PTPRK: variants seen among roughly 807,000 people sequenced by gnomAD.
The protein encoded by PTPRK is protein tyrosine phosphatase receptor type K, also known as receptor-type tyrosine-protein phosphatase kappa.
PTPRK carries 75 observed loss-of-function variants against 178.0 expected under a neutral mutation model. The ratio of observed to expected loss-of-function variants is 0.42; its 90% CI spans 0.35 to 0.51. The LOEUF is 0.51. Among genes scored for constraint, PTPRK ranks in the 20% least tolerant of loss-of-function variants. The pLI is 0.02. For synonymous variants in PTPRK, 637 were observed against 620.6 expected (o/e 1.03, Z -0.39); for missense variants, 1,441 against 1,797.8 (o/e 0.80, Z 3.59).
intron 1 of PTPRK, among the ~76,000 whole-genome samples, chr6:128,424,518 T>G (rs1019939239): frequency 6.6e-6 from 1 of 152,216 alleles, no homozygotes; most frequent in African/African-American, 2.4e-5. Flanking sequence ...TCTCCTTTAC[T>G]GACAGGTCAA....
At position 128,016,005 on chromosome 6, in the gene PTPRK, A is replaced by G. The variant is rs571304181; in HGVS notation, c.2195-6737T>C. Among the ~76,000 whole-genome samples, 5 of 151,882 alleles carry G rather than the reference A, an allele frequency of 3.3e-5. No homozygotes were observed. In the East Asian group the frequency reaches 9.7e-4, roughly 29 times the overall value. ...TAAAATGACCTTTTGAGATACCTGA[A>G]ATATCTCTACCTGTTTTTTTCTCTG... is the stretch of plus-strand genomic sequence containing the variant. On this transcript the variant is annotated intron_variant, in intron 13 of 29. Coordinates refer to ENST00000368226, the MANE Select transcript of PTPRK (RefSeq NM_002844.4).
At chr6:128,353,003 A>G (rs1207074532) in intron 2 of PTPRK, among the ~76,000 whole-genome samples, 2 of 152,232 alleles carry the variant, frequency 1.3e-5, no homozygotes, top group Admixed American at 6.5e-5. Flanking sequence ...AATACAGAAC[A>G]TTAAAAATCT....
intron 2 of PTPRK, among the ~76,000 whole-genome samples, chr6:128,329,266 T>C (rs1486889902): frequency 6.6e-6 from 1 of 152,000 alleles, no homozygotes; most frequent in Non-Finnish European, 1.5e-5. Context: ...GAAAACAAAA[T>C]CCTTCACCAG....
chr6:128,449,348 A>G (rs1158304495), intron 1 of PTPRK, among the ~76,000 whole-genome samples: 1 of 152,192 alleles, frequency 6.6e-6, no homozygotes, highest in Non-Finnish European at 1.5e-5. Context: ...AAAGAGCTCA[A>G]TACCTATACT....
intron 22 of PTPRK, among the ~76,000 whole-genome samples, chr6:127,985,425 A>T (rs1775839679): frequency 6.6e-6 from 1 of 152,154 alleles, no homozygotes; most frequent in Non-Finnish European, 1.5e-5. Context: ...ACAATATGGG[A>T]TTTGCAAAAG....
intron 13 of PTPRK, among the ~76,000 whole-genome samples, chr6:128,023,818 T>C (rs1168648244): frequency 1.3e-5 from 2 of 149,824 alleles, no homozygotes; most frequent in Non-Finnish European, 2.9e-5. Context: ...TATGCCTGGC[T>C]AATGTTTTCT....
At chr6:128,034,474 T>C (rs1323289442) in intron 13 of PTPRK, among the ~76,000 whole-genome samples, 2 of 152,304 alleles carry the variant, frequency 1.3e-5, no homozygotes, top group South Asian at 2.1e-4. Flanking sequence ...CATTCACACA[T>C]TTATATCTTC....
In PTPRK at chr6:128,037,305, G is replaced by C. The variant is rs1051477965; in HGVS notation, c.2194+27453C>G. Among the ~76,000 whole-genome samples the C allele has an allele frequency of 3.9e-5, 6 of 152,282 alleles. No individual in the cohort carries two copies. In the East Asian group the frequency reaches 1.2e-3, roughly 29 times the overall value. On this transcript the variant is annotated intron_variant, in intron 13 of 29. Coordinates refer to ENST00000368226, the MANE Select transcript of PTPRK (RefSeq NM_002844.4). ...ATTTAAAACTGGATTCTCCTATCCT[G>C]AGATTCCTCCACTTCCTGCAGAAAA...
Position 128,425,989 on chromosome 6 carries a change from A to C in PTPRK, c.101-28301T>G, listed in dbSNP as rs182549948. ...ACTACAAGACTGCTCAGAATCTTTA[A>C]TATGTAATGTTTGAAAAATTTCCAG... On this transcript the variant is annotated intron_variant, in intron 1 of 29. Transcript: ENST00000368226. 2.6e-5 allele frequency among the ~76,000 whole-genome samples: 4 copies of C among 152,344 alleles called. No homozygotes were observed. In the East Asian group the frequency reaches 7.7e-4, roughly 29 times the overall value.
intron 11 of PTPRK, among the ~76,000 whole-genome samples, chr6:128,074,198 A>C (rs1341095900): frequency 3.9e-5 from 6 of 152,076 alleles, no homozygotes; most frequent in Non-Finnish European, 8.8e-5. Flanking sequence ...GATGTTCTCC[A>C]CAAAACAAAG....
intron 25 of PTPRK, among the ~76,000 whole-genome samples, chr6:127,978,954 A>C (rs1297451136): frequency 6.6e-6 from 1 of 152,202 alleles, no homozygotes; most frequent in Non-Finnish European, 1.5e-5. Flanking sequence ...GTTCATTTGC[A>C]CTACTAAATC....
intron 1 of PTPRK, among the ~76,000 whole-genome samples, chr6:128,509,193 TTCC>T (rs1856813813): frequency 6.6e-6 from 1 of 152,100 alleles, no homozygotes. Context: ...TAAGGGTGGG[TTCC>T]ATACGAGTTT....
chr6:128,357,459 G>C (rs1484955553), intron 2 of PTPRK, among the ~76,000 whole-genome samples: 1 of 152,194 alleles, frequency 6.6e-6, no homozygotes, highest in Non-Finnish European at 1.5e-5. Context: ...GAGAGGGCAA[G>C]AAAGGCAGGA....
In PTPRK at chr6:128,519,182, G is replaced by A. The variant is rs1858580350; in HGVS notation, c.100+1077C>T. The A allele has an allele frequency of 4.3e-6, 2 of 469,364 alleles. No homozygotes were observed. Among genetic ancestry groups the A allele is most frequent in the Non-Finnish European group, 8.8e-6 (2 of 227,176 alleles). 29.1% of individuals were successfully genotyped at this position (469,364 alleles called of 1,614,324 possible). On this transcript the variant is annotated intron_variant, in intron 1 of 29. Coordinates refer to ENST00000368226, the MANE Select transcript of PTPRK (RefSeq NM_002844.4). The surrounding 1 kb of genome is among the most constrained non-coding windows in gnomAD (Gnocchi z 4.3). The stretch of plus-strand genomic sequence containing the variant: ...AGAAAAGTTGTCAGGACTGGCGGGA[G>A]GTAGACAAGTGCTCGGGAGCCCGCT...
chr6:128,278,854 T>C (rs558431045), intron 3 of PTPRK, among the ~76,000 whole-genome samples: 32 of 152,220 alleles, frequency 2.1e-4, no homozygotes, highest in African/African-American at 7.5e-4. Flanking sequence ...TTAGAGACAA[T>C]GTTCAAGTTC....
Position 128,251,074 on chromosome 6 carries a change from T to TCAA in PTPRK, c.496-8475_496-8473dup, listed in dbSNP as rs577432059. ...GTCTAAAGTGTGAAAAGGCCTTTAG[T>TCAA]CAAGGCCTTGAGACTCTGAAACTGA... On this transcript the variant is annotated intron_variant, in intron 3 of 29. Transcript: ENST00000368226. Among the ~76,000 whole-genome samples, 533 of 152,310 alleles carry TCAA rather than the reference T, an allele frequency of 3.5e-3. 3 individuals are homozygous for TCAA. Among genetic ancestry groups the TCAA allele is most frequent in the African/African-American group, 0.012 (506 of 41,574 alleles).
chr6:128,204,455 A>C (rs1806549203), intron 6 of PTPRK, among the ~76,000 whole-genome samples: 1 of 152,226 alleles, frequency 6.6e-6, no homozygotes, highest in South Asian at 2.1e-4. Flanking sequence ...GCACAGCAAA[A>C]GAAATTAACA....
At chr6:128,098,266 G>T (rs969507978) in intron 7 of PTPRK, among the ~76,000 whole-genome samples, 2 of 151,986 alleles carry the variant, frequency 1.3e-5, no homozygotes, top group African/African-American at 4.8e-5. Flanking sequence ...CACACTGTTT[G>T]CCATGTGACT....
At chr6:128,069,394 A>T (rs1040325366) in intron 11 of PTPRK, among the ~76,000 whole-genome samples, 2 of 152,146 alleles carry the variant, frequency 1.3e-5, no homozygotes, top group Non-Finnish European at 2.9e-5. Flanking sequence ...GCTACTGACA[A>T]GATGCATGGT....
Sources: gnomAD v4.1 joint callset for allele counts (sites outside exome capture counted in the v4.1 genomes callset) on GRCh38, gnomAD v4.1.1 for gene constraint, Gnocchi (gnomAD v3.1) non-coding constraint, MANE v1.5 for transcripts, NCBI Gene and HGNC (gene_info 2026-07-23, HGNC 2026-07-21) for gene names.